Variants in ABCA13 observed in about 807,000 individuals in gnomAD.
ABCA13 encodes ATP-binding cassette sub-family A member 13.
ABCA13 carries 476 observed loss-of-function variants against 478.7 expected under a neutral mutation model. That is an observed-to-expected ratio of 0.99 (90% CI 0.92 to 1.07). ABCA13 has a LOEUF of 1.07. Ranked by LOEUF, ABCA13 falls within the 50% of genes least tolerant of loss-of-function variation. The probability of loss-of-function intolerance (pLI) is 0.00; values close to 1 mark genes in which losing one functional copy is unlikely to be tolerated. For missense variants in ABCA13, 6,060 were observed against 5,910.6 expected (o/e 1.03, Z -0.83); for synonymous variants, 2,252 against 2,158.9 (o/e 1.04, Z -1.20).
In ABCA13 at chr7:48,310,152, C is replaced by A. The variant is rs373039986; in HGVS notation, c.9516+11C>A. 1 of 1,594,804 alleles carries A rather than the reference C, an allele frequency of 6.3e-7. No homozygotes were observed. The highest frequency in any genetic ancestry group is 8.6e-7 in the Non-Finnish European group (1 of 1,169,478). ...GCTTTCATTTACAAGGTATGGAGAG[C>A]ATGCTGGCTGGGGGCAGTCCTCTGC... On this transcript the variant is annotated intron_variant, in intron 24 of 61. Coordinates refer to ENST00000435803, the MANE Select transcript of ABCA13 (RefSeq NM_152701.5).
intron 35 of ABCA13, among the ~76,000 whole-genome samples, chr7:48,382,482 C>T (rs1012308195): frequency 6.6e-6 from 1 of 152,204 alleles, no homozygotes; most frequent in African/African-American, 2.4e-5. Context: ...CACACCCACA[C>T]AGGGTAGGCA....
At chr7:48,587,327 T>C (rs1442758413) in intron 57 of ABCA13, 39 bp downstream of exon 57, 14 of 1,542,384 alleles carry the variant, frequency 9.1e-6, no homozygotes, top group Non-Finnish European at 1.2e-5. Flanking sequence ...GTAAGATACA[T>C]ATTGCATATT....
intron 48 of ABCA13, among the ~76,000 whole-genome samples, chr7:48,499,235 T>C (rs1052124594): frequency 3.3e-5 from 5 of 152,150 alleles, no homozygotes; most frequent in Non-Finnish European, 4.4e-5. Context: ...GAAGAACGCA[T>C]ATATTTCTTT....
chr7:48,627,520 G>A (rs1033521659), intron 59 of ABCA13, among the ~76,000 whole-genome samples: 1 of 152,022 alleles, frequency 6.6e-6, no homozygotes, highest in Non-Finnish European at 1.5e-5. Context: ...CACTTACTAC[G>A]TATGTAACTT....
Position 48,297,319 on chromosome 7 carries a change from T to C in ABCA13, c.9199+8T>C, listed in dbSNP as rs377301532. 2.7e-4 allele frequency: 437 copies of C among 1,600,776 alleles called. No individual in the cohort carries two copies. The highest frequency in any genetic ancestry group is 3.7e-4 in the Non-Finnish European group (432 of 1,173,250). On this transcript the variant is annotated splice_region_variant and intron_variant, in intron 22 of 61. Transcript: ENST00000435803. The stretch of plus-strand genomic sequence containing the variant: ...ATTTCACAGTAACTGAGGGTAAGTA[T>C]GTGGTTTTCCAAGTTTGCTTGATTA...
At position 48,317,239 on chromosome 7, in the gene ABCA13, G is replaced by T; in HGVS notation, c.9942G>T (p.Leu3314Phe). Residue 3314 changes from leucine to phenylalanine, a missense_variant, in exon 27 of 62, where the codon TTG (leucine) becomes TTT (phenylalanine). Around this residue, in one of 3 missense-constraint regions of ABCA13, gnomAD observed 4,423 missense variants for 4,309.1 expected, o/e 1.03. Transcript: ENST00000435803. Reference sequence around the variant, plus strand: ...TGTGGACCTTCCTAAAACCCATATTGCATGGAAAAATACTATACACACCAA... The same window carrying T: ...TGTGGACCTTCCTAAAACCCATATTTCATGGAAAAATACTATACACACCAA... The part of the protein sequence containing the change: ...ALVWTFLKPI[L>F]HGKILYTPNT... 2 of 1,613,470 alleles carry T rather than the reference G, an allele frequency of 1.2e-6. No individual in the cohort carries two copies. Among genetic ancestry groups the T allele is most frequent in the South Asian group, 1.1e-5 (1 of 90,998 alleles).
chr7:48,309,621 G>A (rs1050665124), intron 23 of ABCA13, among the ~76,000 whole-genome samples: 1 of 152,130 alleles, frequency 6.6e-6, no homozygotes, highest in African/African-American at 2.4e-5. Flanking sequence ...AACTACGGGG[G>A]TGGCATCGGA....
At chr7:48,463,110 G>GT (rs1272586167) in intron 43 of ABCA13, among the ~76,000 whole-genome samples, 5 of 152,012 alleles carry the variant, frequency 3.3e-5, no homozygotes, top group African/African-American at 1.2e-4. Context: ...GTGCTTCTCT[G>GT]TTTTTTTGTT....
intron 29 of ABCA13, among the ~76,000 whole-genome samples, chr7:48,349,394 G>C (rs1808592056): frequency 6.6e-6 from 1 of 152,230 alleles, no homozygotes; most frequent in Non-Finnish European, 1.5e-5. Flanking sequence ...CAGCTTACAT[G>C]TTCTCATCCA....
intron 48 of ABCA13, among the ~76,000 whole-genome samples, chr7:48,501,657 A>T (rs1455943777): frequency 1.3e-5 from 2 of 152,216 alleles, no homozygotes; most frequent in African/African-American, 4.8e-5. Flanking sequence ...GACAGAGCTC[A>T]TGGAAGATTA....
At chr7:48,445,012 T>C (rs1382389300) in intron 42 of ABCA13, among the ~76,000 whole-genome samples, 1 of 26,156 alleles carries the variant, frequency 3.8e-5, no homozygotes, top group Admixed American at 4.3e-4. Flanking sequence ...TCTTTCTTTC[T>C]TTTTTTTTTT....
chr7:48,344,887 G>A (rs775405254), intron 29 of ABCA13, among the ~76,000 whole-genome samples: 5 of 152,182 alleles, frequency 3.3e-5, no homozygotes, highest in Non-Finnish European at 7.4e-5. Context: ...CCATTGTGCA[G>A]GAACTATTAC....
At chr7:48,243,759 T>C (rs1791242239) in intron 10 of ABCA13, among the ~76,000 whole-genome samples, 1 of 152,234 alleles carries the variant, frequency 6.6e-6, no homozygotes, top group Non-Finnish European at 1.5e-5. Flanking sequence ...CGCCAGGCAC[T>C]CAAAGCAGTG....
chr7:48,383,604 A>G (rs1030034095), intron 35 of ABCA13, among the ~76,000 whole-genome samples: 1 of 152,230 alleles, frequency 6.6e-6, no homozygotes, highest in Non-Finnish European at 1.5e-5. Context: ...CATGTATGAA[A>G]TATTCTTTTC....
intron 1 of ABCA13, among the ~76,000 whole-genome samples, chr7:48,173,590 T>G (rs1282797209): frequency 6.6e-6 from 1 of 152,238 alleles, no homozygotes; most frequent in Non-Finnish European, 1.5e-5. Flanking sequence ...ATCCTATAGA[T>G]GTCCCTGCAC....
At position 48,219,454 on chromosome 7, in the gene ABCA13, G is replaced by A. The variant is rs769486951; in HGVS notation, c.388G>A (p.Asp130Asn). 3.4e-5 allele frequency: 55 copies of A among 1,613,040 alleles called. No individual in the cohort carries two copies. The highest frequency in any genetic ancestry group is 4.3e-5 in the Non-Finnish European group (51 of 1,179,602). ...DLAEEIHGMMDKAKNLKRLWV... is the reference protein window; with the variant it reads ...DLAEEIHGMMNKAKNLKRLWV... ...GGCAGAGGAAATTCATGGAATGATG[G>A]ACAAGGCAAAAAACTTAAAAAGACT... is the stretch of plus-strand genomic sequence containing the variant. The change falls in exon 4 of 62, where the codon GAC becomes AAC. Residue 130 changes from aspartate (D) to asparagine (N), a missense_variant. Transcript: ENST00000435803.
rs553433609 is a variant in ABCA13 at position 48,528,092 on chromosome 7, A to G, written c.14245-144A>G. On this transcript the variant is annotated intron_variant, in intron 54 of 61. Coordinates refer to ENST00000435803, the MANE Select transcript of ABCA13 (RefSeq NM_152701.5). ...TACACTATTGTCATTTTAAAACTCC[A>G]TAAATAACACAAACCAGCAAAGTCA... 153 of 647,752 alleles carry G rather than the reference A, an allele frequency of 2.4e-4. 1 individual carries two copies. The highest frequency in any genetic ancestry group is 2.3e-3 in the African/African-American group (124 of 54,884). The allele number at this position is 647,752 out of a possible 1,614,324, so 40.1% of individuals were successfully genotyped here.
At chr7:48,494,834 A>G (rs1430838738) in intron 48 of ABCA13, among the ~76,000 whole-genome samples, 4 of 152,240 alleles carry the variant, frequency 2.6e-5, no homozygotes, top group Non-Finnish European at 5.9e-5. Flanking sequence ...GGATGCAGTG[A>G]ATAACATTAT....
In ABCA13 at chr7:48,628,066, C is replaced by CA. The variant is rs1793828643; in HGVS notation, c.14837+12690dup. ...TCGGGGGGACACGCTCAAACCGTAG[C>CA]ACCACTTGAGCATGCTATGCTTTCT... On this transcript the variant is annotated intron_variant, in intron 59 of 61. Transcript: ENST00000435803. 2.6e-5 allele frequency among the ~76,000 whole-genome samples: 4 copies of CA among 152,258 alleles called. No individual in the cohort carries two copies. In the East Asian group the frequency reaches 7.7e-4, roughly 29 times the overall value.
Sources: gnomAD v4.1 joint callset for allele counts (sites outside exome capture counted in the v4.1 genomes callset) on GRCh38, gnomAD v4.1.1 for gene constraint, gnomAD v4.1.1 regional missense constraint, MANE v1.5 for transcripts, NCBI Gene and HGNC (gene_info 2026-07-23, HGNC 2026-07-21) for gene names.